The following SLC26A7 variants were observed in gnomAD, a reference collection of about 807,000 sequenced individuals.
SLC26A7 encodes solute carrier family 26 member 7, also known as anion exchange transporter.
In SLC26A7, 59 loss-of-function variants were observed where a neutral mutation model predicts 82.5. The observed-to-expected ratio is 0.72, with a 90% CI of 0.58 to 0.89. The LOEUF (loss-of-function observed/expected upper bound fraction) is 0.89. SLC26A7 is among the 40% of genes least tolerant of loss of function. SLC26A7 has a pLI of 0.00. For missense variants in SLC26A7, 820 were observed against 793.0 expected (o/e 1.03, Z -0.41); for synonymous variants, 271 against 274.3 (o/e 0.99, Z 0.12).
intron 2 of SLC26A7, among the ~76,000 whole-genome samples, chr8:91,233,281 G>T (rs1810333877): frequency 6.6e-6 from 1 of 152,146 alleles, no homozygotes; most frequent in Non-Finnish European, 1.5e-5. Flanking sequence ...AAATGTGGGA[G>T]AGGGGCAGGG....
At chr8:91,271,238 G>T (rs13264260) in intron 2 of SLC26A7, among the ~76,000 whole-genome samples, 29,874 of 151,808 alleles carry the variant, frequency 0.2, 3,719 homozygotes, top group African/African-American at 0.35. Flanking sequence ...CTGATTTGTC[G>T]TTTTTATAGC....
intron 2 of SLC26A7, among the ~76,000 whole-genome samples, chr8:91,286,529 C>A (rs555297716): frequency 9.9e-5 from 15 of 152,160 alleles, no homozygotes; most frequent in South Asian, 2.1e-4. Context: ...AACACTGTGT[C>A]TATTCCTTGA....
chr8:91,342,137 C>T (rs1813438028), intron 8 of SLC26A7, among the ~76,000 whole-genome samples: 1 of 151,716 alleles, frequency 6.6e-6, no homozygotes, highest in African/African-American at 2.4e-5. Flanking sequence ...TGCTGTGTTG[C>T]TCAGGCTGGT....
chr8:91,307,798 A>C (rs1471288493), intron 4 of SLC26A7, among the ~76,000 whole-genome samples: 1 of 115,044 alleles, frequency 8.7e-6, no homozygotes, highest in Non-Finnish European at 1.8e-5. Context: ...TTAAAGTATA[A>C]TAATAAAAAT....
At position 91,214,769 on chromosome 8, in the gene SLC26A7, G is replaced by T. The variant is rs1007966701; in HGVS notation, c.-149-4121G>T. On this transcript the variant is annotated intron_variant, in intron 1 of 5. Coordinates refer to the SLC26A7 transcript ENST00000522862. ...ACAGTATTAGTTTTCCATTGAAGCT[G>T]TTAACAAATTTCCCAAAGCTTGGTG... is the stretch of plus-strand genomic sequence containing the variant. Among the ~76,000 whole-genome samples the T allele has an allele frequency of 4.4e-4, 67 of 151,672 alleles. 1 individual carries two copies. Among genetic ancestry groups the T allele is most frequent in the African/African-American group, 1.6e-3 (65 of 41,418 alleles).
chr8:91,375,468 C>T (rs1016268691), intron 15 of SLC26A7, among the ~76,000 whole-genome samples: 1 of 151,848 alleles, frequency 6.6e-6, no homozygotes. Flanking sequence ...AAGACTATTT[C>T]TCCTTCTTTT....
chr8:91,235,843 G>A (rs982980364), intron 2 of SLC26A7, among the ~76,000 whole-genome samples: 12 of 152,082 alleles, frequency 7.9e-5, no homozygotes, highest in Admixed American at 2.0e-4. Context: ...TCTAGTTTGT[G>A]ACTTCTATAA....
intron 5 of SLC26A7, among the ~76,000 whole-genome samples, chr8:91,322,222 T>C (rs1312644135): frequency 6.6e-6 from 1 of 152,190 alleles, no homozygotes; most frequent in Non-Finnish European, 1.5e-5. Flanking sequence ...TAATGGGGGT[T>C]GATCATTAAA....
At chr8:91,215,050 T>C (rs1413630111) in intron 1 of SLC26A7, among the ~76,000 whole-genome samples, 1 of 152,080 alleles carries the variant, frequency 6.6e-6, no homozygotes, top group Non-Finnish European at 1.5e-5. Context: ...TTCTCTTTTA[T>C]CTCCTTCTTC....
intron 1 of SLC26A7, chr8:91,218,838 A>C: frequency 8.6e-7 from 1 of 1,159,904 alleles, no homozygotes; most frequent in Non-Finnish European, 1.2e-6. Flanking sequence ...ATTTTAATGA[A>C]AAATACTTAT....
chr8:91,385,489 A>C (rs1232250001), intron 15 of SLC26A7, among the ~76,000 whole-genome samples: 2 of 152,226 alleles, frequency 1.3e-5, no homozygotes, highest in African/African-American at 2.4e-5. Context: ...GTGTTTTCTC[A>C]TTTAGAAGAA....
At chr8:91,394,138 C>A (rs1049201175) in intron 18 of SLC26A7, 99 bp downstream of exon 18, 35 of 1,592,840 alleles carry the variant, frequency 2.2e-5, no homozygotes, top group Admixed American at 3.5e-5. Flanking sequence ...CCATTGGCAT[C>A]TAAAATCTGT....
At position 91,389,392 on chromosome 8, in the gene SLC26A7, G is replaced by C. The variant is rs752642990; in HGVS notation, c.1730G>C (p.Ser577Thr). 8.3e-5 allele frequency: 134 copies of C among 1,613,932 alleles called. No individual in the cohort carries two copies. Among genetic ancestry groups the C allele is most frequent in the Non-Finnish European group, 1.1e-4 (131 of 1,179,950 alleles). Residue 577 changes from serine (S) to threonine (T), a missense_variant, in exon 16 of 19, where the codon AGT (serine) becomes ACT (threonine). By Grantham distance (58) the Ser-to-Thr change is moderately conservative. Coordinates refer to ENST00000276609, the MANE Select transcript of SLC26A7 (RefSeq NM_052832.4). ...NEKCYLILDC[S>T]GFTFFDYSGV... ...AAGTGTTATTTAATCCTGGATTGCA[G>C]TGGATTTACCTTTTTTGACTATTCT...
upstream of SLC26A7, among the ~76,000 whole-genome samples, chr8:91,244,740 C>G (rs1810521588): frequency 6.6e-6 from 1 of 151,956 alleles, no homozygotes; most frequent in Admixed American, 6.6e-5. Context: ...AGACTGGTCT[C>G]AAACTCCTGT....
At chr8:91,343,262 A>C in intron 8 of SLC26A7, 91 bp from the exon 9 acceptor site, 2 of 790,498 alleles carry the variant, frequency 2.5e-6, no homozygotes, top group Admixed American at 4.5e-5. Flanking sequence ...ATCTGAATAC[A>C]AACAAGCCTC....
At position 91,249,558 on chromosome 8, in the gene SLC26A7, A is replaced by G. The variant is rs2130694833; in HGVS notation, c.-94A>G. ...GGGCAGCTTTGACATTGTAAACCACAGACGAATTGGAGCTTGGCATTGAAA... is the reference window on the plus strand; with the variant it reads ...GGGCAGCTTTGACATTGTAAACCACGGACGAATTGGAGCTTGGCATTGAAA... On this transcript the variant is annotated 5_prime_UTR_variant, in exon 2 of 19. Coordinates refer to ENST00000276609, the MANE Select transcript of SLC26A7 (RefSeq NM_052832.4). 1 of 1,018,606 alleles carries G rather than the reference A, an allele frequency of 9.8e-7. No individual in the cohort carries two copies. Among genetic ancestry groups the G allele is most frequent in the South Asian group, 2.5e-5 (1 of 39,634 alleles). 63.1% of individuals were successfully genotyped at this position (1,018,606 alleles called of 1,614,324 possible).
At chr8:91,226,289 A>G (rs771670013) in intron 2 of SLC26A7, among the ~76,000 whole-genome samples, 1 of 152,228 alleles carries the variant, frequency 6.6e-6, no homozygotes, top group Non-Finnish European at 1.5e-5. Flanking sequence ...TCCTGAAAAT[A>G]ACCTAGACAA....
chr8:91,348,000 C>T (rs1466658819), intron 9 of SLC26A7, among the ~76,000 whole-genome samples: 1 of 152,046 alleles, frequency 6.6e-6, no homozygotes, highest in Non-Finnish European at 1.5e-5. Context: ...AGAGGAGATC[C>T]GCTGGTGCTC....
intron 2 of SLC26A7, among the ~76,000 whole-genome samples, chr8:91,220,979 G>A (rs145550007): frequency 1.3e-3 from 192 of 151,744 alleles, no homozygotes; most frequent in African/African-American, 4.3e-3. Flanking sequence ...ACAGTGGAAC[G>A]CTCACCAACA....
Sources: allele counts gnomAD v4.1 joint callset (sites outside exome capture counted in the v4.1 genomes callset), GRCh38; gene constraint gnomAD v4.1.1; transcripts MANE v1.5; gene names NCBI Gene and HGNC (gene_info 2026-07-23, HGNC 2026-07-21).